The following ABAT variants were observed in gnomAD, a reference collection of about 807,000 sequenced individuals.
The protein encoded by ABAT is 4-aminobutyrate aminotransferase, mitochondrial.
ABAT carries 45 observed loss-of-function variants against 64.6 expected under a neutral mutation model. The observed-to-expected ratio is 0.70, with a 90% confidence interval of 0.55 to 0.89. ABAT has a LOEUF of 0.89. ABAT is among the 40% of genes least tolerant of loss of function. ABAT has a pLI of 0.00. For synonymous variants in ABAT, 297 were observed against 250.5 expected, an observed-to-expected ratio of 1.19 and a Z score of -1.75; for missense variants, 633 against 658.4, an observed-to-expected ratio of 0.96 and a Z score of 0.42.
chr16:8,731,575 A>G (rs1406898998), intron 1 of ABAT: 1 of 151,958 alleles, frequency 6.6e-6, no homozygotes, highest in Non-Finnish European at 1.5e-5. Context: ...GTAGTTGTCT[A>G]GTTGTCCTTG....
At chr16:8,732,339 T>C (rs2058751324) in intron 1 of ABAT, among the ~76,000 whole-genome samples, 1 of 150,838 alleles carries the variant, frequency 6.6e-6, no homozygotes, top group South Asian at 2.1e-4. Context: ...AACAAAGGTC[T>C]CTGGTTTTCC....
intron 2 of ABAT, chr16:8,736,808 A>G (rs965964793): frequency 1.3e-5 from 2 of 152,242 alleles, no homozygotes; most frequent in African/African-American, 2.4e-5. Context: ...GCCACTTGCA[A>G]GCAACTCTGT....
intron 1 of ABAT, among the ~76,000 whole-genome samples, chr16:8,716,813 C>T (rs758751035): frequency 4.6e-5 from 7 of 152,194 alleles, no homozygotes; most frequent in Non-Finnish European, 8.8e-5. Context: ...TGTGACCACA[C>T]TCCAATTCTG....
chr16:8,764,577 G>A lies in ABAT; in HGVS notation c.448-161G>A, dbSNP rs2059888592. 6.6e-6 allele frequency among the ~76,000 whole-genome samples: 1 copy of A among 152,108 alleles called. No homozygotes were observed. Among genetic ancestry groups the A allele is most frequent in the African/African-American group, 2.4e-5 (1 of 41,418 alleles). ...CTCCCTGGGCTTCTCCGCCACCCCTGGAAAAGCCTGAGCCCACCCTCCCAG... is the reference window on the plus strand; with the variant it reads ...CTCCCTGGGCTTCTCCGCCACCCCTAGAAAAGCCTGAGCCCACCCTCCCAG... On this transcript the variant is annotated intron_variant, in intron 7 of 15. Coordinates refer to ENST00000268251, the MANE Select transcript of ABAT (RefSeq NM_020686.6). The surrounding 1 kb of genome is among the most constrained non-coding windows in gnomAD (Gnocchi z 4.2).
chr16:8,678,950 G>C (rs994036669), intron 1 of ABAT, among the ~76,000 whole-genome samples: 2 of 152,122 alleles, frequency 1.3e-5, no homozygotes, highest in African/African-American at 2.4e-5. Flanking sequence ...GACCTAGATA[G>C]TATGTATGTA....
chr16:8,692,440 C>A (rs2057605200), intron 1 of ABAT, among the ~76,000 whole-genome samples: 1 of 152,148 alleles, frequency 6.6e-6, no homozygotes, highest in African/African-American at 2.4e-5. Context: ...ATGCTTTCGG[C>A]AACATGGCTA....
intron 1 of ABAT, among the ~76,000 whole-genome samples, chr16:8,710,723 A>AGGGAAAGG (rs1413021626): frequency 1.7e-3 from 110 of 64,842 alleles, no homozygotes; most frequent in African/African-American, 4.0e-3. Context: ...AGAGAGAGAG[A>AGGGAAAGG]GAGAGAGGAA....
intron 1 of ABAT, among the ~76,000 whole-genome samples, chr16:8,696,821 A>C (rs1461079316): frequency 2.0e-5 from 3 of 152,152 alleles, no homozygotes; most frequent in African/African-American, 7.2e-5. Flanking sequence ...AGCTGACCCC[A>C]GGGCATCCAC....
Position 8,781,489 on chromosome 16 carries a change from G to C in ABAT, c.*59G>C. The C allele has an allele frequency of 6.3e-7, 1 of 1,576,556 alleles. No homozygotes were observed. Among genetic ancestry groups the C allele is most frequent in the Non-Finnish European group, 8.7e-7 (1 of 1,155,758 alleles). ...ATCCCAACAGTTGTCAAATTGATTAGTTTGCCTAATTCATGTTTTCACTTA... is the reference window on the plus strand; with the variant it reads ...ATCCCAACAGTTGTCAAATTGATTACTTTGCCTAATTCATGTTTTCACTTA... On this transcript the variant is annotated 3_prime_UTR_variant, in exon 16 of 16. Transcript: ENST00000268251. This position sits in a 1 kb window ranked among gnomAD's most constrained non-coding sequence, Gnocchi z 4.5.
chr16:8,757,868 T>C (rs1271086151), intron 6 of ABAT, 62 bp downstream of exon 6: 2 of 1,542,638 alleles, frequency 1.3e-6, no homozygotes, highest in African/African-American at 1.4e-5. Flanking sequence ...ACAGAATCAC[T>C]GGGCAGACTT....
At chr16:8,742,831 A>T (rs1322022902) in intron 2 of ABAT, among the ~76,000 whole-genome samples, 3 of 142,412 alleles carry the variant, frequency 2.1e-5, no homozygotes, top group South Asian at 2.2e-4. Context: ...GCACCACTGC[A>T]TTCCGGCTTG....
intron 1 of ABAT, among the ~76,000 whole-genome samples, chr16:8,718,747 A>G (rs1242108351): frequency 6.6e-6 from 1 of 152,230 alleles, no homozygotes; most frequent in East Asian, 1.9e-4. Context: ...GGAGTAGATA[A>G]GACGGTGTAT....
intron 1 of ABAT, among the ~76,000 whole-genome samples, chr16:8,720,313 T>C (rs1386837101): frequency 6.6e-6 from 1 of 152,230 alleles, no homozygotes; most frequent in Non-Finnish European, 1.5e-5. Flanking sequence ...AGGTAATATA[T>C]ATGGCCCAGC....
intron 1 of ABAT, among the ~76,000 whole-genome samples, chr16:8,702,672 C>G (rs574883793): frequency 6.6e-6 from 1 of 151,916 alleles, no homozygotes; most frequent in East Asian, 1.9e-4. Context: ...CCACCAGGCT[C>G]CTCGTCCAAC....
At chr16:8,767,131 C>T (rs977960302) in intron 9 of ABAT, among the ~76,000 whole-genome samples, 12 of 152,248 alleles carry the variant, frequency 7.9e-5, no homozygotes, top group Admixed American at 5.9e-4. Context: ...CTCTGAGGCA[C>T]CTCCAGCAGT....
At chr16:8,707,193 T>C (rs762453975) in intron 1 of ABAT, among the ~76,000 whole-genome samples, 1 of 151,994 alleles carries the variant, frequency 6.6e-6, no homozygotes, top group Non-Finnish European at 1.5e-5. Context: ...TCACTTTTTT[T>C]GTTGTTTTTT....
intron 1 of ABAT, among the ~76,000 whole-genome samples, chr16:8,700,874 G>A (rs1052867093): frequency 6.6e-6 from 1 of 151,262 alleles, no homozygotes; most frequent in African/African-American, 2.4e-5. Context: ...CCAAAGTGCT[G>A]GCATTACAGG....
intron 15 of ABAT, 27 bp downstream of exon 15, chr16:8,779,617 T>G (rs1596474601): frequency 1.9e-6 from 3 of 1,579,446 alleles, no homozygotes; most frequent in Non-Finnish European, 2.6e-6. Context: ...GGCTGCTGAG[T>G]TTCATGAGCA....
intron 5 of ABAT, among the ~76,000 whole-genome samples, chr16:8,755,179 G>T (rs72770141): frequency 6.6e-6 from 1 of 151,896 alleles, no homozygotes; most frequent in Non-Finnish European, 1.5e-5. Context: ...TCAAGTCCTG[G>T]TTGGCCCCAC....
Sources: gnomAD v4.1 joint callset for allele counts (sites outside exome capture counted in the v4.1 genomes callset) on GRCh38, gnomAD v4.1.1 for gene constraint, Gnocchi (gnomAD v3.1) non-coding constraint, MANE v1.5 for transcripts, NCBI Gene and HGNC (gene_info 2026-07-23, HGNC 2026-07-21) for gene names.